PPARGC1A: variants seen among roughly 807,000 people sequenced by gnomAD.
The protein encoded by PPARGC1A is PPARG coactivator 1 alpha, also known as peroxisome proliferator-activated receptor gamma coactivator 1-alpha.
A neutral mutation model predicts 88.7 loss-of-function variants in PPARGC1A; 25 were observed. The ratio of observed to expected loss-of-function variants is 0.28; its 90% CI spans 0.21 to 0.39. PPARGC1A has a LOEUF of 0.39. PPARGC1A is among the 10% of genes least tolerant of loss of function. PPARGC1A has a pLI of 1.00. For missense variants in PPARGC1A, 880 were observed against 968.7 expected, an observed-to-expected ratio of 0.91 and a Z score of 1.22; for synonymous variants, 363 against 355.6, an observed-to-expected ratio of 1.02 and a Z score of -0.24.
At chr4:24,446,659 C>T in the PPARGC1A span, among the ~76,000 whole-genome samples, 7 of 144,408 alleles carry the variant, frequency 4.8e-5, no homozygotes, top group African/African-American at 1.3e-4. Context: ...TGCAGTGGTG[C>T]GATCTTGGCT....
chr4:23,833,813 C>T (rs1422549163), intron 2 of PPARGC1A, among the ~76,000 whole-genome samples: 1 of 152,182 alleles, frequency 6.6e-6, no homozygotes, highest in African/African-American at 2.4e-5. Context: ...CATAATGCAT[C>T]CCTCTCACGT....
chr4:24,431,386 A>G, the PPARGC1A span, among the ~76,000 whole-genome samples: 1 of 152,204 alleles, frequency 6.6e-6, no homozygotes, highest in African/African-American at 2.4e-5. Context: ...AGGAAACCCC[A>G]ACAGAAATGT....
At chr4:24,388,053 A>G in the PPARGC1A span, among the ~76,000 whole-genome samples, 1 of 151,898 alleles carries the variant, frequency 6.6e-6, no homozygotes, top group Admixed American at 6.6e-5. Flanking sequence ...TGAACAGGCA[A>G]ATTACAGAAT....
the PPARGC1A span, among the ~76,000 whole-genome samples, chr4:24,313,797 A>C: frequency 6.6e-6 from 1 of 152,228 alleles, no homozygotes; most frequent in Non-Finnish European, 1.5e-5. Flanking sequence ...TGCTAGGTAC[A>C]TATGCTAAAG....
At chr4:24,325,633 T>C in the PPARGC1A span, among the ~76,000 whole-genome samples, 9 of 152,200 alleles carry the variant, frequency 5.9e-5, no homozygotes, top group African/African-American at 1.7e-4. Context: ...AACTCTGGCC[T>C]AAAGCTGTCT....
the PPARGC1A span, among the ~76,000 whole-genome samples, chr4:24,074,989 C>T: frequency 2.0e-5 from 3 of 152,134 alleles, no homozygotes; most frequent in Non-Finnish European, 2.9e-5. Flanking sequence ...CCTAGGTGAG[C>T]CCTAAGCATC....
chr4:24,409,942 G>A, the PPARGC1A span, among the ~76,000 whole-genome samples: 1 of 152,150 alleles, frequency 6.6e-6, no homozygotes, highest in Non-Finnish European at 1.5e-5. Flanking sequence ...TCTATTGTGG[G>A]ATAATTGATA....
chr4:24,384,230 G>A, the PPARGC1A span, among the ~76,000 whole-genome samples: 254 of 152,200 alleles, frequency 1.7e-3, no homozygotes, highest in Middle Eastern at 0.017. Flanking sequence ...GCTCATGAAG[G>A]AAGCACTAAA....
At chr4:24,095,901 GCCTCATCA>G in the PPARGC1A span, among the ~76,000 whole-genome samples, 1 of 152,164 alleles carries the variant, frequency 6.6e-6, no homozygotes, top group Non-Finnish European at 1.5e-5. Flanking sequence ...CCTCACGGCA[GCCTCATCA>G]CCTCTTAAAG....
At chr4:23,960,596 C>T in the PPARGC1A span, among the ~76,000 whole-genome samples, 2 of 152,106 alleles carry the variant, frequency 1.3e-5, no homozygotes, top group African/African-American at 2.4e-5. Flanking sequence ...GCATAACACA[C>T]TTATCCTGTG....
the PPARGC1A span, among the ~76,000 whole-genome samples, chr4:24,044,030 A>G: frequency 2.2e-4 from 34 of 152,260 alleles, no homozygotes; most frequent in African/African-American, 7.0e-4. Flanking sequence ...TGGAAATGCC[A>G]TAAGTGTACG....
chr4:24,300,324 A>ATTTTT, the PPARGC1A span, among the ~76,000 whole-genome samples: 110 of 45,020 alleles, frequency 2.4e-3, 26 homozygotes, highest in Non-Finnish European at 3.8e-3. Context: ...ATACAATAGC[A>ATTTTT]TTTTTTTTTT....
chr4:23,838,445 G>A (rs914575392), intron 2 of PPARGC1A, among the ~76,000 whole-genome samples: 4 of 152,130 alleles, frequency 2.6e-5, no homozygotes, highest in Non-Finnish European at 4.4e-5. Context: ...ATACAGGGCT[G>A]AGAATAAGGT....
At chr4:23,823,336 A>G (rs1039074966) in intron 7 of PPARGC1A, among the ~76,000 whole-genome samples, 3 of 152,006 alleles carry the variant, frequency 2.0e-5, no homozygotes, top group African/African-American at 7.2e-5. Context: ...TGTGGTTTAT[A>G]CAAGAAAGAT....
chr4:24,244,652 G>C, the PPARGC1A span, among the ~76,000 whole-genome samples: 6 of 152,106 alleles, frequency 3.9e-5, no homozygotes, highest in African/African-American at 1.4e-4. Context: ...GGGACAACAT[G>C]GCTTCCCAGA....
the PPARGC1A span, among the ~76,000 whole-genome samples, chr4:24,024,998 A>G: frequency 6.6e-6 from 1 of 152,322 alleles, no homozygotes; most frequent in Non-Finnish European, 1.5e-5. Context: ...CATGTTACTT[A>G]GTGCTTTCAA....
chr4:24,079,613 T>C, the PPARGC1A span, among the ~76,000 whole-genome samples: 4,013 of 152,162 alleles, frequency 0.026, 164 homozygotes, highest in African/African-American at 0.091. Context: ...CATTTTTACA[T>C]AGTCAAAATT....
chr4:24,253,723 C>T, the PPARGC1A span, among the ~76,000 whole-genome samples: 1 of 127,086 alleles, frequency 7.9e-6, no homozygotes, highest in Non-Finnish European at 1.9e-5. Flanking sequence ...TCACCATACA[C>T]ACCTCACTTG....
At chr4:23,870,888 A>G (rs1248619010) in intron 2 of PPARGC1A, among the ~76,000 whole-genome samples, 1 of 152,182 alleles carries the variant, frequency 6.6e-6, no homozygotes, top group Non-Finnish European at 1.5e-5. Flanking sequence ...TAAAAGATGT[A>G]GCTGGAAATA....
Sources: allele counts gnomAD v4.1 joint callset (sites outside exome capture counted in the v4.1 genomes callset), GRCh38; gene constraint gnomAD v4.1.1; transcripts MANE v1.5; gene names NCBI Gene and HGNC (gene_info 2026-07-23, HGNC 2026-07-21).